The following DZIP3 variants were observed in gnomAD, a reference collection of about 807,000 sequenced individuals.
The protein encoded by DZIP3 is DAZ interacting zinc finger protein 3, also known as E3 ubiquitin-protein ligase DZIP3.
Under a neutral mutation model 162.0 loss-of-function variants are expected in DZIP3, and 118 were observed. That is an observed-to-expected ratio of 0.73 (90% confidence interval 0.63 to 0.85). The LOEUF (loss-of-function observed/expected upper bound fraction) is 0.85, where lower values mean the gene tolerates loss of function less well. Among genes scored for constraint, DZIP3 ranks in the 40% least tolerant of loss-of-function variants. The pLI, the probability that DZIP3 is intolerant of heterozygous loss-of-function variation, is 0.00. For missense variants in DZIP3, 1,331 were observed against 1,407.0 expected, an observed-to-expected ratio of 0.95 and a Z score of 0.86; for synonymous variants, 438 against 458.6, an observed-to-expected ratio of 0.96 and a Z score of 0.57.
intron 26 of DZIP3, among the ~76,000 whole-genome samples, chr3:108,683,748 C>G (rs1246555038): frequency 6.6e-6 from 1 of 152,124 alleles, no homozygotes. Context: ...GTATTACCTC[C>G]AATATAAAAT....
chr3:108,605,573 C>A, intron 2 of DZIP3, 135 bp downstream of exon 2: 2 of 871,506 alleles, frequency 2.3e-6, no homozygotes, highest in Non-Finnish European at 3.5e-6. Flanking sequence ...GCATTAGATT[C>A]TCACAAGGAG....
chr3:108,669,656 T>C, intron 21 of DZIP3, 25 bp from the exon 22 acceptor site: 1 of 1,605,722 alleles, frequency 6.2e-7, no homozygotes, highest in Non-Finnish European at 8.5e-7. Flanking sequence ...CTAACATCTT[T>C]TGACTTTCTT....
intron 21 of DZIP3, among the ~76,000 whole-genome samples, 177 bp downstream of exon 21, chr3:108,662,434 A>G (rs1943482973): frequency 6.6e-6 from 1 of 152,240 alleles, no homozygotes; most frequent in Non-Finnish European, 1.5e-5. Flanking sequence ...GGATTGAGAA[A>G]TAAGCAGCTG....
chr3:108,642,521 T>TTTATATATATA lies in DZIP3; in HGVS notation c.1141+9_1141+10insATATATATATT, dbSNP rs1383308984. 10 of 1,445,740 alleles carry TTTATATATATA rather than the reference T, an allele frequency of 6.9e-6. No individual in the cohort carries two copies. Among genetic ancestry groups the TTTATATATATA allele is most frequent in the Non-Finnish European group, 8.3e-6 (9 of 1,077,998 alleles). The allele number at this position is 1,445,740 out of a possible 1,614,324, so 89.6% of individuals were successfully genotyped here. A position where few individuals can be genotyped will look rare whatever the true frequency, so the allele number is the denominator to read the frequency against. ...TTAAAATTTAATACAAAAGGTATTA[T>TTTATATATATA]TTTATTTTTATATGCCTTCTGTTGA... On this transcript the variant is annotated splice_region_variant and intron_variant, in intron 13 of 32. Transcript: ENST00000361582.
intron 16 of DZIP3, 175 bp from the exon 17 acceptor site, chr3:108,648,743 T>C (rs1428510219): frequency 3.4e-6 from 1 of 297,776 alleles, no homozygotes; most frequent in African/African-American, 2.3e-5. Context: ...GACAGAAGAC[T>C]AGGATTAAAA....
intron 8 of DZIP3, among the ~76,000 whole-genome samples, chr3:108,631,372 G>A (rs1236007924): frequency 6.6e-6 from 1 of 151,414 alleles, no homozygotes. Context: ...TCTTGCCTGA[G>A]GATAGAATAA....
chr3:108,642,412 A>G (rs771813107), intron 12 of DZIP3, 26 bp from the exon 13 acceptor site: 14 of 1,461,420 alleles, frequency 9.6e-6, no homozygotes, highest in African/African-American at 2.8e-5. Flanking sequence ...TATTTCCACT[A>G]TAACTTAATT....
chr3:108,665,196 C>G (rs1221589193), intron 21 of DZIP3, among the ~76,000 whole-genome samples: 1 of 152,022 alleles, frequency 6.6e-6, no homozygotes, highest in Non-Finnish European at 1.5e-5. Flanking sequence ...TTTAAAGCAA[C>G]CATCATAAAA....
In DZIP3 at chr3:108,644,160, T is replaced by C. The variant is rs746890373; in HGVS notation, c.1142-4T>C. ...TGTCTTGACTTCTCAAAATTTATTT[T>C]CAGATGAAATGCCTATCTTCAAGCT... On this transcript the variant is annotated splice_region_variant and splice_polypyrimidine_tract_variant and intron_variant, in intron 13 of 32. Transcript: ENST00000361582. The C allele has an allele frequency of 6.3e-7, 1 of 1,579,546 alleles. No individual in the cohort carries two copies. Among genetic ancestry groups the C allele is most frequent in the East Asian group, 2.2e-5 (1 of 44,636 alleles).
chr3:108,622,505 C>G (rs1941398912), intron 5 of DZIP3, among the ~76,000 whole-genome samples: 1 of 152,174 alleles, frequency 6.6e-6, no homozygotes, highest in African/African-American at 2.4e-5. Flanking sequence ...TCATGTTTTC[C>G]TGGATGGTCT....
intron 14 of DZIP3, 149 bp from the exon 15 acceptor site, chr3:108,646,468 A>T (rs926002720): frequency 1.5e-6 from 1 of 651,746 alleles, no homozygotes; most frequent in Non-Finnish European, 2.7e-6. Context: ...GCCTTGTCTA[A>T]ACTGGATTGA....
At chr3:108,680,238 A>G (rs1480271603) in intron 26 of DZIP3, among the ~76,000 whole-genome samples, 1 of 152,154 alleles carries the variant, frequency 6.6e-6, no homozygotes, top group African/African-American at 2.4e-5. Flanking sequence ...CTGAAACAAG[A>G]CAAGGATGCC....
At chr3:108,646,964 A>G (rs978865672) in intron 15 of DZIP3, among the ~76,000 whole-genome samples, 2 of 152,214 alleles carry the variant, frequency 1.3e-5, no homozygotes, top group South Asian at 4.1e-4. Context: ...TTGCTTGAAC[A>G]TGGAAGGCAG....
chr3:108,683,799 G>C (rs968743073), intron 26 of DZIP3, among the ~76,000 whole-genome samples: 2 of 152,112 alleles, frequency 1.3e-5, no homozygotes, highest in Non-Finnish European at 1.5e-5. Context: ...TGAAATTTCT[G>C]AGTATCAATA....
chr3:108,662,452 T>A (rs1187991037), intron 21 of DZIP3, among the ~76,000 whole-genome samples, 195 bp downstream of exon 21: 3 of 152,226 alleles, frequency 2.0e-5, no homozygotes. Flanking sequence ...CTGCTCACAC[T>A]ATATATCAAG....
At chr3:108,649,219 C>T (rs1420180544) in intron 17 of DZIP3, among the ~76,000 whole-genome samples, 5 of 151,802 alleles carry the variant, frequency 3.3e-5, no homozygotes, top group Non-Finnish European at 7.4e-5. Flanking sequence ...GAATTAGTCA[C>T]ATGGAAATTT....
intron 8 of DZIP3, among the ~76,000 whole-genome samples, chr3:108,631,052 C>CACACACACACGCACACAT (rs1168781519): frequency 9.8e-6 from 1 of 102,366 alleles, no homozygotes; most frequent in East Asian, 2.5e-4. Flanking sequence ...CACACACACA[C>CACACACACACGCACACAT]ACACTCTCTC....
Position 108,644,495 on chromosome 3 carries a change from G to A in DZIP3, c.1473G>A (p.Pro491=), listed in dbSNP as rs761465822. 1.6e-5 allele frequency: 26 copies of A among 1,613,922 alleles called. No homozygotes were observed. The African/African-American group carries it at 2.9e-4, about 18-fold the overall frequency. ...CCAAAAAAGGATGGAATATGGAACC[G>A]CCATCTTCTGACATCTCTAAATCTG... ...PAPKKGWNME[P]PSSDISKSAD... Residue 491 remains proline (P), a synonymous_variant, in exon 14 of 33, where the codon CCG becomes CCA. Coordinates refer to ENST00000361582, the MANE Select transcript of DZIP3 (RefSeq NM_014648.4).
intron 26 of DZIP3, 37 bp from the exon 27 acceptor site, chr3:108,684,179 G>GC: frequency 6.4e-7 from 1 of 1,566,288 alleles, no homozygotes; most frequent in Non-Finnish European, 8.7e-7. Flanking sequence ...ATGTGGGGGG[G>GC]GGTGTTGTTT....
Sources: allele counts gnomAD v4.1 joint callset (sites outside exome capture counted in the v4.1 genomes callset), GRCh38; gene constraint gnomAD v4.1.1; transcripts MANE v1.5; gene names NCBI Gene and HGNC (gene_info 2026-07-23, HGNC 2026-07-21).